USP6NL: variants seen among roughly 807,000 people sequenced by gnomAD.
USP6NL encodes USP6 N-terminal-like protein.
A neutral mutation model predicts 61.9 loss-of-function variants in USP6NL; 26 were observed. That is an observed-to-expected ratio of 0.42 (90% CI 0.31 to 0.58). USP6NL has a LOEUF of 0.58. Among genes scored for constraint, USP6NL ranks in the 20% least tolerant of loss-of-function variants. USP6NL has a pLI of 0.16. For synonymous variants in USP6NL, 432 were observed against 390.1 expected, an observed-to-expected ratio of 1.11 and a Z score of -1.27; for missense variants, 1,114 against 1,034.3, an observed-to-expected ratio of 1.08 and a Z score of -1.06.
At chr10:11,536,552 CCTT>C (rs1215787714) in intron 2 of USP6NL, among the ~76,000 whole-genome samples, 1 of 152,046 alleles carries the variant, frequency 6.6e-6, no homozygotes, top group African/African-American at 2.4e-5. Context: ...AGAAACAGTC[CCTT>C]CTTTTTTCCT....
In USP6NL at chr10:11,518,292, C is replaced by G. The variant is rs1212472986; in HGVS notation, c.195+243G>C. ...AAAGCCTCTCTGTTCTGAAGCACGC[C>G]TAGCTCAGGACCTGCCAGTCTAGAA... On this transcript the variant is annotated intron_variant, in intron 5 of 14. Coordinates refer to ENST00000609104, the MANE Select transcript of USP6NL (RefSeq NM_014688.5). The surrounding 1 kb of genome is among the most constrained non-coding windows in gnomAD (Gnocchi z 5.3). Among the ~76,000 whole-genome samples the G allele has an allele frequency of 6.6e-6, 1 of 152,178 alleles. No individual in the cohort carries two copies. The highest frequency in any genetic ancestry group is 1.5e-5 in the Non-Finnish European group (1 of 68,018).
In USP6NL at chr10:11,556,503, C is replaced by T. The variant is rs7096178; in HGVS notation, c.5-28936G>A. 3.4e-3 allele frequency among the ~76,000 whole-genome samples: 511 copies of T among 152,118 alleles called. 1 individual carries two copies. The highest frequency in any genetic ancestry group is 0.012 in the African/African-American group (497 of 41,516). On this transcript the variant is annotated intron_variant, in intron 2 of 14. Coordinates refer to ENST00000609104, the MANE Select transcript of USP6NL (RefSeq NM_014688.5). ...GGCAATCAGATTAAATGTAAAAAAA[C>T]AGATATATGCTATTTAGAAAAGAGA...
At chr10:11,583,723 T>C (rs1837868342) in intron 2 of USP6NL, among the ~76,000 whole-genome samples, 1 of 152,174 alleles carries the variant, frequency 6.6e-6, no homozygotes, top group Non-Finnish European at 1.5e-5. Context: ...ATAACATTAT[T>C]AGTTTTTAAA....
intron 2 of USP6NL, among the ~76,000 whole-genome samples, chr10:11,583,936 G>A (rs185497361): frequency 3.9e-5 from 6 of 152,322 alleles, no homozygotes; most frequent in Admixed American, 3.9e-4. Flanking sequence ...GGCTGAGGCA[G>A]GAGAATCGCT....
rs1836372373 is a variant in USP6NL at position 11,548,746 on chromosome 10, A to G, written c.5-21179T>C. Reference sequence around the variant, plus strand: ...CAATTATAAAATCTATATATGACCTATATCCTCCAACCATCATTTGTTCTT... The same window carrying G: ...CAATTATAAAATCTATATATGACCTGTATCCTCCAACCATCATTTGTTCTT... On this transcript the variant is annotated intron_variant, in intron 2 of 14. Coordinates refer to ENST00000609104, the MANE Select transcript of USP6NL (RefSeq NM_014688.5). The surrounding 1 kb of genome is among the most constrained non-coding windows in gnomAD (Gnocchi z 4.3). 6.6e-6 allele frequency among the ~76,000 whole-genome samples: 1 copy of G among 152,212 alleles called. No homozygotes were observed. The highest frequency in any genetic ancestry group is 6.5e-5 in the Admixed American group (1 of 15,290).
At chr10:11,466,611 G>C (rs1832463997) in intron 14 of USP6NL, among the ~76,000 whole-genome samples, 1 of 152,176 alleles carries the variant, frequency 6.6e-6, no homozygotes, top group South Asian at 2.1e-4. Context: ...CTTAGGAACT[G>C]GTAGTTGCTA....
chr10:11,468,335 G>A lies in USP6NL; in HGVS notation c.1079-4486C>T, dbSNP rs1386301542. ...CACTCAGTCGAATGGTATGTTCCAG[G>A]GTCTCTTAGTCACAGCTTGGCCGCA... is the stretch of plus-strand genomic sequence containing the variant. On this transcript the variant is annotated intron_variant, in intron 14 of 14. Transcript: ENST00000609104. The surrounding 1 kb of genome is among the most constrained non-coding windows in gnomAD (Gnocchi z 4.5). 6.6e-6 allele frequency among the ~76,000 whole-genome samples: 1 copy of A among 152,094 alleles called. No individual in the cohort carries two copies. The highest frequency in any genetic ancestry group is 1.5e-5 in the Non-Finnish European group (1 of 68,020).
intron 14 of USP6NL, among the ~76,000 whole-genome samples, chr10:11,473,327 T>C (rs1832833811): frequency 6.6e-6 from 1 of 152,202 alleles, no homozygotes; most frequent in Non-Finnish European, 1.5e-5. Flanking sequence ...TTCTGTCTAA[T>C]AGAGACATGA....
chr10:11,510,050 C>G lies in USP6NL; in HGVS notation c.196-375G>C, dbSNP rs1834634096. ...CTCTTCTTTCTTATTTTACTGAATTCTAGTATATTGTTGTTTTTAGCGAGA... is the reference window on the plus strand; with the variant it reads ...CTCTTCTTTCTTATTTTACTGAATTGTAGTATATTGTTGTTTTTAGCGAGA... On this transcript the variant is annotated intron_variant, in intron 5 of 14. Coordinates refer to ENST00000609104, the MANE Select transcript of USP6NL (RefSeq NM_014688.5). The surrounding 1 kb of genome is among the most constrained non-coding windows in gnomAD (Gnocchi z 4.8). Among the ~76,000 whole-genome samples, 1 of 151,962 alleles carries G rather than the reference C, an allele frequency of 6.6e-6. No individual in the cohort carries two copies. The highest frequency in any genetic ancestry group is 2.4e-5 in the African/African-American group (1 of 41,344).
intron 8 of USP6NL, among the ~76,000 whole-genome samples, chr10:11,492,606 A>T (rs558769947): frequency 1.3e-4 from 20 of 152,378 alleles, no homozygotes; most frequent in Admixed American, 1.0e-3. Context: ...CAATACCTTG[A>T]AATGTCCTAA....
rs909321563 is a variant in USP6NL at position 11,597,719 on chromosome 10, T to C, written c.-83-2A>G. The C allele has an allele frequency of 9.5e-7, 1 of 1,051,032 alleles. No homozygotes were observed. Among genetic ancestry groups the C allele is most frequent in the Non-Finnish European group, 1.4e-6 (1 of 697,044 alleles). 65.1% of individuals were successfully genotyped at this position (1,051,032 alleles called of 1,614,324 possible). On this transcript the variant is annotated splice_acceptor_variant, in intron 1 of 14. Transcript: ENST00000609104. LOFTEE classifies it low-confidence loss of function (5UTR_SPLICE). This position sits in a 1 kb window ranked among gnomAD's most constrained non-coding sequence, Gnocchi z 4.6. Reference sequence around the variant, plus strand: ...AGGTTTCTCAGAGGAATACATGTCCTAGTCAGGAAACAAAGAGAAAGAAAT... The same window carrying C: ...AGGTTTCTCAGAGGAATACATGTCCCAGTCAGGAAACAAAGAGAAAGAAAT...
chr10:11,573,591 T>C (rs959063499), intron 2 of USP6NL: 3 of 398,760 alleles, frequency 7.5e-6, no homozygotes, highest in African/African-American at 6.2e-5. Flanking sequence ...TGATTGTTCA[T>C]TCTGCTAATC....
In USP6NL at chr10:11,575,722, C is replaced by T. The variant is rs1269710292; in HGVS notation, c.4+21909G>A. ...GCTTTTTCTTGTTTCTCTCATTTTT[C>T]ATCACACATTGCATCAGTAAGAATA... On this transcript the variant is annotated intron_variant, in intron 2 of 14. Transcript: ENST00000609104. This position sits in a 1 kb window ranked among gnomAD's most constrained non-coding sequence, Gnocchi z 4.2. Among the ~76,000 whole-genome samples the T allele has an allele frequency of 2.6e-5, 4 of 152,176 alleles. No individual in the cohort carries two copies. Among genetic ancestry groups the T allele is most frequent in the Admixed American group, 2.6e-4 (4 of 15,280 alleles).
rs1489287626 is a variant in USP6NL at position 11,548,599 on chromosome 10, G to T, written c.5-21032C>A. Among the ~76,000 whole-genome samples, 1 of 152,008 alleles carries T rather than the reference G, an allele frequency of 6.6e-6. No homozygotes were observed. Among genetic ancestry groups the T allele is most frequent in the African/African-American group, 2.4e-5 (1 of 41,372 alleles). ...CCTTCCCTTCATAAATCCAACAATT[G>T]TAACTAAATTTTCACCCTAGCCACT... On this transcript the variant is annotated intron_variant, in intron 2 of 14. Transcript: ENST00000609104. This position sits in a 1 kb window ranked among gnomAD's most constrained non-coding sequence, Gnocchi z 4.3.
intron 2 of USP6NL, among the ~76,000 whole-genome samples, chr10:11,560,702 AATATATATATATT>A (rs1041264284): frequency 1.9e-4 from 23 of 122,612 alleles, no homozygotes; most frequent in Non-Finnish European, 3.3e-4. Flanking sequence ...AACAGTAAAA[AATATATATATATT>A]ATATATATAT....
chr10:11,550,919 T>C (rs752129464), intron 2 of USP6NL, among the ~76,000 whole-genome samples: 9 of 151,820 alleles, frequency 5.9e-5, no homozygotes, highest in Non-Finnish European at 1.3e-4. Context: ...TAAATTAAAA[T>C]CACACTGAGA....
intron 2 of USP6NL, among the ~76,000 whole-genome samples, chr10:11,590,024 T>C (rs1047589321): frequency 6.6e-6 from 1 of 152,224 alleles, no homozygotes; most frequent in African/African-American, 2.4e-5. Context: ...CATTTTCACC[T>C]GACCTCCTAA....
rs1183884120 is a variant in USP6NL at position 11,465,604 on chromosome 10, T to C, written c.1079-1755A>G. 6.6e-6 allele frequency among the ~76,000 whole-genome samples: 1 copy of C among 152,244 alleles called. No individual in the cohort carries two copies. Among genetic ancestry groups the C allele is most frequent in the African/African-American group, 2.4e-5 (1 of 41,450 alleles). ...AGATTTCCAGCTGGTCTGCTGCTGCTGCTGCTGCTACTGCTGCTGTGCCTG... is the reference window on the plus strand; with the variant it reads ...AGATTTCCAGCTGGTCTGCTGCTGCCGCTGCTGCTACTGCTGCTGTGCCTG... On this transcript the variant is annotated intron_variant, in intron 14 of 14. Transcript: ENST00000609104. This position sits in a 1 kb window ranked among gnomAD's most constrained non-coding sequence, Gnocchi z 4.5.
Position 11,505,032 on chromosome 10 carries a change from T to C in USP6NL, c.277-3824A>G, listed in dbSNP as rs147378916. Among the ~76,000 whole-genome samples, 863 of 152,326 alleles carry C rather than the reference T, an allele frequency of 5.7e-3. 18 individuals are homozygous for C. Among genetic ancestry groups the C allele is most frequent in the Admixed American group, 0.036 (550 of 15,294 alleles). ...AGGGTTAGGGACAAAGTTGCTGGGGTGAGCGCCATGCATCTGCTGTGATGG... is the reference window on the plus strand; with the variant it reads ...AGGGTTAGGGACAAAGTTGCTGGGGCGAGCGCCATGCATCTGCTGTGATGG... On this transcript the variant is annotated intron_variant, in intron 6 of 14. Transcript: ENST00000609104.
Sources: allele counts gnomAD v4.1 joint callset (sites outside exome capture counted in the v4.1 genomes callset), GRCh38; gene constraint gnomAD v4.1.1; non-coding constraint Gnocchi (gnomAD v3.1); transcripts MANE v1.5; gene names NCBI Gene and HGNC (gene_info 2026-07-23, HGNC 2026-07-21).